TMPRSS4: variants seen among roughly 807,000 people sequenced by gnomAD.
TMPRSS4 encodes the protein transmembrane protease serine 4.
A neutral mutation model predicts 56.4 loss-of-function variants in TMPRSS4; 45 were observed. The ratio of observed to expected loss-of-function variants is 0.80; its 90% CI spans 0.63 to 1.02. TMPRSS4 has a LOEUF of 1.02. Among genes scored for constraint, TMPRSS4 ranks in the 50% least tolerant of loss-of-function variants. The pLI, the probability that TMPRSS4 is intolerant of heterozygous loss-of-function variation, is 0.00. For synonymous variants in TMPRSS4, 205 were observed against 211.0 expected, an observed-to-expected ratio of 0.97 and a Z score of 0.25; for missense variants, 546 against 556.7, an observed-to-expected ratio of 0.98 and a Z score of 0.19.
chr11:118,099,139 A>C, intron 3 of TMPRSS4, 41 bp downstream of exon 3: 1 of 1,542,190 alleles, frequency 6.5e-7, no homozygotes, highest in Non-Finnish European at 8.9e-7. Flanking sequence ...CTCTAAGTAA[A>C]TGACAGGGCC....
intron 4 of TMPRSS4, among the ~76,000 whole-genome samples, chr11:118,103,567 A>G (rs1320390394): frequency 6.6e-6 from 1 of 152,134 alleles, no homozygotes; most frequent in Non-Finnish European, 1.5e-5. Flanking sequence ...TTTTTAGTAG[A>G]GACGGGGTTT....
intron 1 of TMPRSS4, among the ~76,000 whole-genome samples, chr11:118,084,644 T>C (rs1002857734): frequency 6.6e-6 from 1 of 152,184 alleles, no homozygotes; most frequent in Non-Finnish European, 1.5e-5. Context: ...ATGTGTGGAG[T>C]TCTGCTCTCC....
At chr11:118,104,603 G>T in intron 4 of TMPRSS4, 88 bp from the exon 5 acceptor site, 1 of 1,592,056 alleles carries the variant, frequency 6.3e-7, no homozygotes, top group Non-Finnish European at 8.5e-7. Flanking sequence ...TAGGTTGGGG[G>T]AGCTTGGGCT....
Position 118,119,451 on chromosome 11 carries a change from A to T in TMPRSS4, c.*1538A>T. The T allele has an allele frequency of 2.6e-6, 2 of 777,916 alleles. No homozygotes were observed. The highest frequency in any genetic ancestry group is 3.1e-6 in the Non-Finnish European group (2 of 640,784). 48.2% of individuals were successfully genotyped at this position (777,916 alleles called of 1,614,324 possible). A position where few individuals can be genotyped will look rare whatever the true frequency, so the allele number is the denominator to read the frequency against. On this transcript the variant is annotated 3_prime_UTR_variant, in exon 13 of 13. Coordinates refer to ENST00000437212, the MANE Select transcript of TMPRSS4 (RefSeq NM_019894.4). The stretch of plus-strand genomic sequence containing the variant: ...AATCAAAGATCAGAGACGTTGAAAA[A>T]TAAAAAACACCTTAAGTGGGCAGCA...
intron 1 of TMPRSS4, among the ~76,000 whole-genome samples, chr11:118,094,007 A>G (rs1946142714): frequency 6.6e-6 from 1 of 152,196 alleles, no homozygotes; most frequent in African/African-American, 2.4e-5. Flanking sequence ...ATATTCTATT[A>G]TATGAAAATA....
chr11:118,107,751 T>C, intron 5 of TMPRSS4, 23 bp from the exon 6 acceptor site: 1 of 1,607,154 alleles, frequency 6.2e-7, no homozygotes, highest in Non-Finnish European at 8.5e-7. Flanking sequence ...CTCACAACTC[T>C]CTCTCCCTCT....
downstream of TMPRSS4, chr11:118,125,448 TC>T (rs1384883901): frequency 4.8e-5 from 21 of 437,178 alleles, no homozygotes; most frequent in Non-Finnish European, 9.3e-6. Context: ...ACAGCCCCTG[TC>T]CCCCTTATGC....
At position 118,107,768 on chromosome 11, in the gene TMPRSS4, G is replaced by C; in HGVS notation, c.441-6G>C. On this transcript the variant is annotated splice_region_variant and splice_polypyrimidine_tract_variant and intron_variant, in intron 5 of 12. Transcript: ENST00000437212. ...CACAACTCTCTCTCCCTCTTGATGT[G>C]AGCAGCAAACCCACTTTCAGAGCTG... 1 of 1,613,682 alleles carries C rather than the reference G, an allele frequency of 6.2e-7. No individual in the cohort carries two copies. The highest frequency in any genetic ancestry group is 1.7e-5 in the Admixed American group (1 of 60,008).
At chr11:118,111,456 A>G (rs956993816) in intron 7 of TMPRSS4, among the ~76,000 whole-genome samples, 1 of 152,168 alleles carries the variant, frequency 6.6e-6, no homozygotes, top group Non-Finnish European at 1.5e-5. Flanking sequence ...GATTCCCAGC[A>G]CAACGGACAC....
Position 118,107,868 on chromosome 11 carries a change from T to G in TMPRSS4, c.535T>G (p.Ser179Ala). The change falls in exon 6 of 13, where the codon TCA becomes GCA. Residue 179 changes from serine (S) to alanine (A), a missense_variant. Ser to Ala is a moderately conservative substitution (Grantham distance 99). Transcript: ENST00000437212. ...CAGCCAGGAGCTTCGCATGCGGAAC[T>G]CAAGTGGGTAAGTGAGGGGACACCT... ...ENSQELRMRN[S>A]SGPCLSGSLV... 6.2e-7 allele frequency: 1 copy of G among 1,613,822 alleles called. No individual in the cohort carries two copies.
chr11:118,103,283 G>T (rs774489442), intron 4 of TMPRSS4, 30 bp downstream of exon 4: 3 of 1,602,656 alleles, frequency 1.9e-6, no homozygotes, highest in East Asian at 4.5e-5. Flanking sequence ...CACAAGAGAA[G>T]TGGGCCCAGC....
chr11:118,086,347 G>C (rs1260401421), intron 1 of TMPRSS4, among the ~76,000 whole-genome samples: 1 of 152,248 alleles, frequency 6.6e-6, no homozygotes, highest in Non-Finnish European at 1.5e-5. Context: ...GCTGAGATGG[G>C]GGATGAGGTG....
chr11:118,114,088 G>T lies in TMPRSS4; in HGVS notation c.910+653G>T, dbSNP rs372318999. ...TTTTTAAAATAATCTGTTTTATTGC[G>T]TTTAACCTACATTTTTTAAATTTAT... is the stretch of plus-strand genomic sequence containing the variant. On this transcript the variant is annotated intron_variant, in intron 9 of 12. Transcript: ENST00000437212. Among the ~76,000 whole-genome samples, 4 of 152,236 alleles carry T rather than the reference G, an allele frequency of 2.6e-5. No homozygotes were observed. In the East Asian group the frequency reaches 7.7e-4, roughly 29 times the overall value.
intron 9 of TMPRSS4, 120 bp downstream of exon 9, chr11:118,113,555 A>C: frequency 8.6e-7 from 1 of 1,166,674 alleles, no homozygotes; most frequent in Non-Finnish European, 1.2e-6. Context: ...CAGCTTGCCC[A>C]TTTGTCTCTA....
At chr11:118,112,049 C>A in intron 8 of TMPRSS4, 149 bp downstream of exon 8, 1 of 1,142,752 alleles carries the variant, frequency 8.8e-7, no homozygotes, top group Non-Finnish European at 1.2e-6. Flanking sequence ...AGACAATGGC[C>A]ATGATGCCCT....
At chr11:118,104,858 CTCCTTCCTCCTCTTCCTCCTT>C (rs1295134522) in intron 5 of TMPRSS4, 38 bp downstream of exon 5, 1 of 1,515,980 alleles carries the variant, frequency 6.6e-7, no homozygotes, top group Non-Finnish European at 8.8e-7. Flanking sequence ...TCCCTCCTTC[CTCCTTCCTCCTCTTCCTCCTT>C]TCCTTCCTCC....
intron 1 of TMPRSS4, among the ~76,000 whole-genome samples, chr11:118,083,889 T>C (rs1213981608): frequency 6.6e-6 from 1 of 151,994 alleles, no homozygotes; most frequent in East Asian, 1.9e-4. Flanking sequence ...TACAAAAAAT[T>C]AGCTGGGCGG....
chr11:118,094,771 C>T, intron 1 of TMPRSS4, 45 bp from the exon 2 acceptor site: 1 of 1,586,588 alleles, frequency 6.3e-7, no homozygotes, highest in African/African-American at 1.3e-5. Flanking sequence ...CTAGCCCCAG[C>T]CTGAGAGGCT....
chr11:118,077,342 G>C, intron 1 of TMPRSS4, 37 bp downstream of exon 1: 1 of 1,580,668 alleles, frequency 6.3e-7, no homozygotes, highest in Non-Finnish European at 8.6e-7. Flanking sequence ...GACACAGGAA[G>C]GGTGGGTCTC....
Sources: allele counts gnomAD v4.1 joint callset (sites outside exome capture counted in the v4.1 genomes callset), GRCh38; gene constraint gnomAD v4.1.1; transcripts MANE v1.5; gene names NCBI Gene and HGNC (gene_info 2026-07-23, HGNC 2026-07-21).